The following PCGF3 variants were observed in gnomAD, a reference collection of about 807,000 sequenced individuals.
The protein encoded by PCGF3 is polycomb group ring finger 3, also known as polycomb group RING finger protein 3.
A neutral mutation model predicts 33.1 loss-of-function variants in PCGF3; 7 were observed. The ratio of observed to expected loss-of-function variants is 0.21; its 90% CI spans 0.12 to 0.40. The LOEUF is 0.40. PCGF3 is among the 10% of genes least tolerant of loss of function. PCGF3 has a pLI of 1.00. For synonymous variants in PCGF3, 153 were observed against 121.3 expected (o/e 1.26, Z -1.72); for missense variants, 211 against 313.3 (o/e 0.67, Z 2.46).
At position 742,761 on chromosome 4, in the gene PCGF3, T is replaced by G. The variant is rs1744150054; in HGVS notation, c.263-713T>G. Among the ~76,000 whole-genome samples the G allele has an allele frequency of 2.0e-5, 3 of 152,214 alleles. No homozygotes were observed. The South Asian group carries it at 6.2e-4, about 32-fold the overall frequency. On this transcript the variant is annotated intron_variant, in intron 6 of 10. Coordinates refer to ENST00000362003, the Ensembl canonical transcript of PCGF3. The stretch of plus-strand genomic sequence containing the variant: ...CTGCGGCCCGTCTGCCGCCGGGCAG[T>G]CTCCTCCCTGGAATTTGTGCCTGTG...
intron 8 of PCGF3, among the ~76,000 whole-genome samples, chr4:753,852 C>T (rs1037402589): frequency 5.3e-5 from 8 of 151,882 alleles, no homozygotes; most frequent in Admixed American, 1.3e-4. Flanking sequence ...GAGGCTGAGG[C>T]ATGAGAATCG....
At position 730,679 on chromosome 4, in the gene PCGF3, G is replaced by A. The variant is rs1206173771; in HGVS notation, c.-151+11G>A. On this transcript the variant is annotated intron_variant, in intron 2 of 10. Coordinates refer to ENST00000362003, the Ensembl canonical transcript of PCGF3. ...AGGCGTCGTGCTCAGGTAAGTGCGC[G>A]TAGGCCGACTGCCCTCTTCTTTCCG... 2 of 218,246 alleles carry A rather than the reference G, an allele frequency of 9.2e-6. No individual in the cohort carries two copies. The highest frequency in any genetic ancestry group is 2.3e-5 in the African/African-American group (1 of 44,042). The allele number at this position is 218,246 out of a possible 1,614,324, so 13.5% of individuals were successfully genotyped here.
At chr4:736,077 C>T (rs947002459) in intron 5 of PCGF3, among the ~76,000 whole-genome samples, 1 of 151,948 alleles carries the variant, frequency 6.6e-6, no homozygotes, top group Non-Finnish European at 1.5e-5. Context: ...GAGATGGAGT[C>T]TTGCTCTGTC....
At position 709,949 on chromosome 4, in the gene PCGF3, A is replaced by G. The variant is rs567447134; in HGVS notation, c.-190+3979A>G. 1.3e-4 allele frequency among the ~76,000 whole-genome samples: 20 copies of G among 152,086 alleles called. No individual in the cohort carries two copies. The South Asian group carries it at 3.3e-3, about 25-fold the overall frequency. ...TATCCTTTACTGTTTTTTAAACTTC[A>G]TTTGCTTTGTGAAATTGTGGAAGAG... On this transcript the variant is annotated intron_variant, in intron 1 of 10. Transcript: ENST00000362003.
rs545100506 is a variant in PCGF3 at position 718,874 on chromosome 4, C to T, written c.-189-11756C>T. On this transcript the variant is annotated intron_variant, in intron 1 of 10. Coordinates refer to ENST00000362003, the Ensembl canonical transcript of PCGF3. ...TGGAGCAGGGATGCTTACTGTCTTT[C>T]GAGTCATGGACCCTTTTGAGAATTA... Among the ~76,000 whole-genome samples, 338 of 152,294 alleles carry T rather than the reference C, an allele frequency of 2.2e-3. 1 individual carries two copies. Among genetic ancestry groups the T allele is most frequent in the Admixed American group, 4.4e-3 (68 of 15,304 alleles).
rs372368967 is a variant in PCGF3 at position 734,486 on chromosome 4, C to G, written c.110-445C>G. Reference sequence around the variant, plus strand: ...ATTTGCCAATTTGATAGAATTTTGACTTTAACGTTAATCGTATTTTTAGAT... The same window carrying G: ...ATTTGCCAATTTGATAGAATTTTGAGTTTAACGTTAATCGTATTTTTAGAT... On this transcript the variant is annotated intron_variant, in intron 4 of 10. Coordinates refer to ENST00000362003, the Ensembl canonical transcript of PCGF3. 1.4e-5 allele frequency: 17 copies of G among 1,238,368 alleles called. No homozygotes were observed. In the East Asian group the frequency reaches 3.7e-4, roughly 27 times the overall value. The allele number at this position is 1,238,368 out of a possible 1,614,324, so 76.7% of individuals were successfully genotyped here. A position where few individuals can be genotyped will look rare whatever the true frequency, so the allele number is the denominator to read the frequency against.
At chr4:715,146 CACTG>C (rs1742755712) in intron 1 of PCGF3, among the ~76,000 whole-genome samples, 1 of 146,602 alleles carries the variant, frequency 6.8e-6, no homozygotes, top group Non-Finnish European at 1.5e-5. Context: ...ACCCTGTAGA[CACTG>C]AGTGTGAGAA....
intron 8 of PCGF3, among the ~76,000 whole-genome samples, chr4:747,612 C>T (rs1476743394): frequency 9.7e-5 from 5 of 51,656 alleles, no homozygotes; most frequent in African/African-American, 2.4e-4. Flanking sequence ...GCCCGGGGGT[C>T]GCTGCAGTGT....
At chr4:769,206 A>C (rs968683746) in exon 11 of PCGF3, 2 of 152,700 alleles carry the variant, frequency 1.3e-5, no homozygotes, top group Non-Finnish European at 2.9e-5. Flanking sequence ...ACAAGAGCGG[A>C]GCTGCCCTGG....
chr4:750,881 C>G (rs1744481355), intron 8 of PCGF3, among the ~76,000 whole-genome samples: 1 of 151,918 alleles, frequency 6.6e-6, no homozygotes. Context: ...TTCGCTCTAA[C>G]CCCCGATTCT....
Position 744,481 on chromosome 4 carries a change from G to A in PCGF3, c.374-119G>A, listed in dbSNP as rs188293738. Reference sequence around the variant, plus strand: ...TTTCCTTTGACGCTTACTCCGCTCCGGGGGTCCAGAGTCTCTTAATGGAGT... The same window carrying A: ...TTTCCTTTGACGCTTACTCCGCTCCAGGGGTCCAGAGTCTCTTAATGGAGT... On this transcript the variant is annotated intron_variant, in intron 7 of 10. Coordinates refer to ENST00000362003, the Ensembl canonical transcript of PCGF3. 30 of 742,930 alleles carry A rather than the reference G, an allele frequency of 4.0e-5. No individual in the cohort carries two copies. The East Asian group carries it at 7.6e-4, about 19-fold the overall frequency. The allele number at this position is 742,930 out of a possible 1,614,324, so 46.0% of individuals were successfully genotyped here. A position where few individuals can be genotyped will look rare whatever the true frequency, so the allele number is the denominator to read the frequency against.
At chr4:743,372 C>A in intron 6 of PCGF3, 102 bp from the exon 7 acceptor site, 3 of 702,436 alleles carry the variant, frequency 4.3e-6, no homozygotes, top group South Asian at 3.4e-5. Flanking sequence ...CTTCAAACTT[C>A]ATAATGCAAA....
intron 8 of PCGF3, among the ~76,000 whole-genome samples, chr4:753,393 G>A (rs1029542056): frequency 7.2e-5 from 11 of 152,182 alleles, no homozygotes; most frequent in East Asian, 1.9e-4. Flanking sequence ...GGTGGCTCAC[G>A]CCCGTAATCC....
intron 8 of PCGF3, among the ~76,000 whole-genome samples, chr4:758,398 C>G (rs1330362402): frequency 3.4e-5 from 5 of 145,974 alleles, no homozygotes; most frequent in Non-Finnish European, 7.5e-5. Context: ...CTTCTCCTTC[C>G]GGACTCCGGG....
At chr4:734,833 A>C (rs1743761863) in intron 4 of PCGF3, 98 bp from the exon 5 acceptor site, 3 of 1,503,636 alleles carry the variant, frequency 2.0e-6, no homozygotes, top group Non-Finnish European at 2.7e-6. Context: ...ATCTGCACAG[A>C]AACGAGCTCA....
At position 722,084 on chromosome 4, in the gene PCGF3, G is replaced by A. The variant is rs142590641; in HGVS notation, c.-189-8546G>A. Among the ~76,000 whole-genome samples, 14 of 152,270 alleles carry A rather than the reference G, an allele frequency of 9.2e-5. No individual in the cohort carries two copies. In the East Asian group the frequency reaches 2.3e-3, roughly 25 times the overall value. On this transcript the variant is annotated intron_variant, in intron 1 of 10. Coordinates refer to ENST00000362003, the Ensembl canonical transcript of PCGF3. ...GTGCAGGACACACGGGGCGTGGGACGGTGTCTGTGTGAGAGCAGCATCTGT... is the reference window on the plus strand; with the variant it reads ...GTGCAGGACACACGGGGCGTGGGACAGTGTCTGTGTGAGAGCAGCATCTGT...
intron 1 of PCGF3, among the ~76,000 whole-genome samples, chr4:711,840 A>G (rs150537577): frequency 0.096 from 14,651 of 151,856 alleles, 830 homozygotes; most frequent in East Asian, 0.13. Context: ...GGGCACCTGT[A>G]ATCCCAGCTA....
In PCGF3 at chr4:758,469, T is replaced by C. The variant is rs375179194; in HGVS notation, c.463-2810T>C. Among the ~76,000 whole-genome samples the C allele has an allele frequency of 4.8e-3, 257 of 53,296 alleles. 2 individuals carry two copies. Among genetic ancestry groups the C allele is most frequent in the African/African-American group, 0.013 (192 of 14,320 alleles). 35.0% of individuals were successfully genotyped at this position (53,296 alleles called of 152,430 possible). ...CTCCTTCCGGACTCCGGGTCTTTCT[T>C]CCCGTGCGGCCCCTCTCCCGAGCTC... On this transcript the variant is annotated intron_variant, in intron 8 of 10. Coordinates refer to ENST00000362003, the Ensembl canonical transcript of PCGF3.
At chr4:714,438 G>GT (rs1560195451) in intron 1 of PCGF3, among the ~76,000 whole-genome samples, 1 of 152,238 alleles carries the variant, frequency 6.6e-6, no homozygotes, top group African/African-American at 2.4e-5. Context: ...CAAGAACTAG[G>GT]GGAGGCCCCC....
Sources: allele counts gnomAD v4.1 joint callset (sites outside exome capture counted in the v4.1 genomes callset), GRCh38; gene constraint gnomAD v4.1.1; transcripts MANE v1.5; gene names NCBI Gene and HGNC (gene_info 2026-07-23, HGNC 2026-07-21).